Variants in SYT16 observed in about 807,000 individuals in gnomAD.
SYT16 encodes the protein synaptotagmin 16.
Under a neutral mutation model 61.4 loss-of-function variants are expected in SYT16, and 42 were observed. That is an observed-to-expected ratio of 0.68 (90% CI 0.53 to 0.89). SYT16 has a LOEUF of 0.89. Among genes scored for constraint, SYT16 ranks in the 40% least tolerant of loss-of-function variants. SYT16 has a pLI of 0.00. For missense variants in SYT16, 804 were observed against 807.3 expected (o/e 1.00, Z 0.05); for synonymous variants, 314 against 302.3 (o/e 1.04, Z -0.40).
rs113917434 is a variant in SYT16 at position 61,892,328 on chromosome 14, C to T, written c.-324-77804C>T. On this transcript the variant is annotated intron_variant, in intron 1 of 7. Coordinates refer to ENST00000683842, the MANE Select transcript of SYT16 (RefSeq NM_001367656.1). ...CCACCTCTAGCTGCTACTCTCGCCC[C>T]GTCTGCCTCCTCTCCTTCACACCTC... Among the ~76,000 whole-genome samples, 486 of 152,180 alleles carry T rather than the reference C, an allele frequency of 3.2e-3. 3 individuals are homozygous for T. Among genetic ancestry groups the T allele is most frequent in the African/African-American group, 0.011 (460 of 41,534 alleles).
intron 7 of SYT16, among the ~76,000 whole-genome samples, chr14:62,089,276 A>T (rs2056989727): frequency 6.6e-6 from 1 of 151,284 alleles, no homozygotes; most frequent in South Asian, 2.1e-4. Context: ...CCAAGATCGC[A>T]CTACTGCACT....
Position 61,996,510 on chromosome 14 carries a change from G to A in SYT16, c.491G>A (p.Gly164Asp). The A allele has an allele frequency of 5.6e-6, 9 of 1,610,090 alleles. No individual in the cohort carries two copies. The highest frequency in any genetic ancestry group is 6.8e-6 in the Non-Finnish European group (8 of 1,178,098). The part of the protein sequence containing the change: ...LQHGFDSQLP[G>D]TLETVNGKKQ... Reference sequence around the variant, plus strand: ...CATGGCTTTGACAGCCAGCTCCCTGGTACTTTAGAAACTGTTAATGGAAAA... The same window carrying A: ...CATGGCTTTGACAGCCAGCTCCCTGATACTTTAGAAACTGTTAATGGAAAA... Residue 164 changes from glycine to aspartate, a missense_variant, in exon 3 of 8, where the codon GGT becomes GAT. Gly to Asp is a moderately conservative substitution (Grantham distance 94). Transcript: ENST00000683842.
intron 3 of SYT16, among the ~76,000 whole-genome samples, chr14:62,057,341 G>T (rs965044597): frequency 6.6e-6 from 1 of 152,218 alleles, no homozygotes; most frequent in African/African-American, 2.4e-5. Flanking sequence ...GGCACCAGAA[G>T]GGCCCAGGTT....
rs752961919 is a variant in SYT16 at position 61,815,029 on chromosome 14, C to A, written c.-325+2219C>A. ...TACTCCAGAGAGCTTTAAAAAAGAC[C>A]CTGACATCAGTATTTTTAAAAAGGA... On this transcript the variant is annotated intron_variant, in intron 1 of 7. Coordinates refer to ENST00000683842, the MANE Select transcript of SYT16 (RefSeq NM_001367656.1). Among the ~76,000 whole-genome samples the A allele has an allele frequency of 3.9e-4, 59 of 152,086 alleles. 2 individuals carry two copies. Among genetic ancestry groups the A allele is most frequent in the Non-Finnish European group, 1.2e-4 (8 of 68,010 alleles).
intron 1 of SYT16, among the ~76,000 whole-genome samples, chr14:61,852,090 T>G (rs1440371758): frequency 6.6e-6 from 1 of 152,238 alleles, no homozygotes; most frequent in Non-Finnish European, 1.5e-5. Flanking sequence ...GAGTTAATTT[T>G]TGTCTATGGT....
intron 3 of SYT16, among the ~76,000 whole-genome samples, chr14:62,044,649 G>A (rs1192716699): frequency 2.6e-5 from 4 of 152,084 alleles, no homozygotes; most frequent in Admixed American, 1.3e-4. Context: ...TTTTATGGCT[G>A]CATGATATTC....
At chr14:62,001,558 C>G (rs1389971920) in intron 3 of SYT16, among the ~76,000 whole-genome samples, 2 of 152,040 alleles carry the variant, frequency 1.3e-5, no homozygotes, top group Admixed American at 1.3e-4. Context: ...CATGGACATG[C>G]ATGCATGTGT....
At chr14:62,088,022 T>C (rs1696766290) in intron 7 of SYT16, among the ~76,000 whole-genome samples, 2 of 152,162 alleles carry the variant, frequency 1.3e-5, no homozygotes, top group Non-Finnish European at 2.9e-5. Context: ...GGTGTGAGTG[T>C]AAAATGGAAC....
At chr14:62,059,175 G>A (rs144266772) in intron 3 of SYT16, among the ~76,000 whole-genome samples, 63 of 152,122 alleles carry the variant, frequency 4.1e-4, no homozygotes, top group African/African-American at 1.5e-3. Context: ...CCCCCATGAC[G>A]CAAGTTTACC....
chr14:62,090,182 TTG>T (rs1566839947), intron 7 of SYT16, among the ~76,000 whole-genome samples: 1 of 152,254 alleles, frequency 6.6e-6, no homozygotes, highest in Non-Finnish European at 1.5e-5. Flanking sequence ...TATTACTGCA[TTG>T]TGTTTATATG....
At chr14:61,838,860 A>C (rs901678361) in intron 1 of SYT16, among the ~76,000 whole-genome samples, 1 of 152,150 alleles carries the variant, frequency 6.6e-6, no homozygotes, top group Non-Finnish European at 1.5e-5. Flanking sequence ...ATCATGCCCC[A>C]TTGTGTTTGA....
At chr14:61,814,430 C>T (rs2045364426) in intron 1 of SYT16, among the ~76,000 whole-genome samples, 1 of 152,210 alleles carries the variant, frequency 6.6e-6, no homozygotes, top group Non-Finnish European at 1.5e-5. Context: ...CTGTGCATCA[C>T]ACACATGCAG....
intron 1 of SYT16, among the ~76,000 whole-genome samples, chr14:61,823,895 C>A: frequency 6.6e-6 from 1 of 152,184 alleles, no homozygotes; most frequent in East Asian, 1.9e-4. Context: ...AAATATGAAG[C>A]TATTCTCAAG....
chr14:61,933,545 G>C (rs918779022), intron 1 of SYT16, among the ~76,000 whole-genome samples: 1 of 152,176 alleles, frequency 6.6e-6, no homozygotes, highest in African/African-American at 2.4e-5. Context: ...GATGCCAGGA[G>C]AAACAAAACA....
At chr14:61,853,125 G>A (rs978605838) in intron 1 of SYT16, among the ~76,000 whole-genome samples, 1 of 152,116 alleles carries the variant, frequency 6.6e-6, no homozygotes, top group Non-Finnish European at 1.5e-5. Flanking sequence ...CACCATGTTG[G>A]CCAGGCTGGT....
chr14:62,102,539 T>A lies in SYT16; in HGVS notation c.*1832T>A, dbSNP rs1260653474. 6.6e-6 allele frequency: 1 copy of A among 152,166 alleles called. No individual in the cohort carries two copies. The highest frequency in any genetic ancestry group is 1.5e-5 in the Non-Finnish European group (1 of 68,024). The allele number at this position is 152,166 out of a possible 1,614,324, so 9.4% of individuals were successfully genotyped here. ...AGCATTATATCCATTAACTGCTGAG[T>A]GGTCTTTGCAGCGTGGCTAAGTCAT... On this transcript the variant is annotated 3_prime_UTR_variant, in exon 8 of 8. Coordinates refer to ENST00000683842, the MANE Select transcript of SYT16 (RefSeq NM_001367656.1).
chr14:62,068,701 T>C (rs1020200731), intron 3 of SYT16, among the ~76,000 whole-genome samples: 4 of 152,228 alleles, frequency 2.6e-5, no homozygotes, highest in African/African-American at 9.6e-5. Context: ...ATACAACTTA[T>C]TTTTCAAAGG....
At chr14:62,053,857 T>A (rs1040239766) in intron 3 of SYT16, among the ~76,000 whole-genome samples, 2 of 152,210 alleles carry the variant, frequency 1.3e-5, no homozygotes, top group African/African-American at 2.4e-5. Context: ...GCCAGGCTTG[T>A]TTTTAGGTGG....
intron 1 of SYT16, among the ~76,000 whole-genome samples, chr14:61,923,635 CTTTA>C (rs2049424104): frequency 6.6e-6 from 1 of 152,064 alleles, no homozygotes; most frequent in Admixed American, 6.6e-5. Context: ...TGGAGAGAAA[CTTTA>C]TTTATAGCCT....
Sources: allele counts gnomAD v4.1 joint callset (sites outside exome capture counted in the v4.1 genomes callset), GRCh38; gene constraint gnomAD v4.1.1; transcripts MANE v1.5; gene names NCBI Gene and HGNC (gene_info 2026-07-23, HGNC 2026-07-21).